Variants in BCOR observed in about 807,000 individuals in gnomAD.
The protein encoded by BCOR is BCL6 corepressor.
A neutral mutation model predicts 86.7 loss-of-function variants in BCOR; 10 were observed. That is an observed-to-expected ratio of 0.12 (90% CI 0.07 to 0.20). The LOEUF (loss-of-function observed/expected upper bound fraction) is 0.20, where lower values mean the gene tolerates loss of function less well. BCOR is among the 10% of genes least tolerant of loss of function. BCOR has a pLI of 1.00. For missense variants in BCOR, 1,259 were observed against 1,452.1 expected (o/e 0.87, Z 2.16); for synonymous variants, 611 against 609.0 (o/e 1.00, Z -0.05).
chrX:40,103,103 T>G (rs868340040), intron 1 of BCOR, among the ~76,000 whole-genome samples: 22 of 100,912 alleles, frequency 2.2e-4, no homozygotes, highest in African/African-American at 5.0e-4. Flanking sequence ...GGGGGTGGGG[T>G]GGGGGGGCTC....
intron 1 of BCOR, among the ~76,000 whole-genome samples, chrX:40,139,046 C>T (rs997463455): frequency 1.8e-5 from 2 of 109,040 alleles, no homozygotes; most frequent in Admixed American, 1.0e-4. Flanking sequence ...ATACTAACTA[C>T]GACATAGTCT....
chrX:40,076,438 G>T lies in BCOR; in HGVS notation c.165+16C>A. On this transcript the variant is annotated intron_variant, in intron 3 of 14. Coordinates refer to ENST00000378444, the MANE Select transcript of BCOR (RefSeq NM_001123385.2). ...ATATGCAGATATGGCATCAACAGAAGCTATTAATCTCTTACCACGTTGTGG... is the reference window on the plus strand; with the variant it reads ...ATATGCAGATATGGCATCAACAGAATCTATTAATCTCTTACCACGTTGTGG... 4 of 1,151,517 alleles carry T rather than the reference G, an allele frequency of 3.5e-6. No homozygotes were observed. The highest frequency in any genetic ancestry group is 4.8e-6 in the Non-Finnish European group (4 of 841,749). The allele number at this position is 1,151,517 out of a possible 1,213,427, so 94.9% of individuals were successfully genotyped here.
intron 6 of BCOR, among the ~76,000 whole-genome samples, chrX:40,067,317 C>A (rs1036425828): frequency 8.9e-6 from 1 of 111,943 alleles, no homozygotes; most frequent in African/African-American, 3.2e-5. Flanking sequence ...TGCCATCTGT[C>A]TTCTCTGGGG....
At chrX:40,098,184 G>T (rs986356966), upstream of BCOR, among the ~76,000 whole-genome samples, 1 of 109,432 alleles carries the variant, frequency 9.1e-6, no homozygotes, top group African/African-American at 3.3e-5. Context: ...ACCCTCCGCT[G>T]CGGCGCCTCC....
intron 1 of BCOR, among the ~76,000 whole-genome samples, chrX:40,085,943 C>A (rs1936338208): frequency 8.9e-6 from 1 of 111,931 alleles, no homozygotes; most frequent in Admixed American, 9.4e-5. Flanking sequence ...ACCAGGAACT[C>A]AAAGAAAGCC....
chrX:40,172,209 C>T (rs927463118), intron 1 of BCOR, among the ~76,000 whole-genome samples: 2 of 112,746 alleles, frequency 1.8e-5, no homozygotes, highest in African/African-American at 6.4e-5. Context: ...GAGGCTCAGC[C>T]ACCTTCGCGG....
In BCOR at chrX:40,139,488, TATATATATA is replaced by T. The variant is rs1345946074; in HGVS notation, c.-41+37510_-41+37518del. ...ATATATATATATATATATATATATA[TATATATATA>T]TTTTTTTTTTTTTTTAAGCATCAGC... On this transcript the variant is annotated intron_variant, in intron 1 of 14. Coordinates refer to the BCOR transcript ENST00000342274. Among the ~76,000 whole-genome samples the T allele has an allele frequency of 6.5e-3, 98 of 15,148 alleles. 9 individuals are homozygous for T. The highest frequency in any genetic ancestry group is 8.0e-3 in the Non-Finnish European group (82 of 10,262). The allele number at this position is 15,148 out of a possible 115,157, so 13.2% of individuals were successfully genotyped here. A position where few individuals can be genotyped will look rare whatever the true frequency, so the allele number is the denominator to read the frequency against.
chrX:40,063,463 AAG>A (rs1935010265), intron 8 of BCOR, 143 bp downstream of exon 8: 2 of 525,919 alleles, frequency 3.8e-6, no homozygotes, highest in East Asian at 6.6e-5. Flanking sequence ...CAAGGACATC[AAG>A]AGAGAACTCC....
intron 3 of BCOR, among the ~76,000 whole-genome samples, chrX:40,075,782 A>G (rs1465093100): frequency 4.5e-5 from 5 of 111,712 alleles, no homozygotes; most frequent in African/African-American, 1.6e-4. Flanking sequence ...ATTAAAAAAT[A>G]AAAATAAAAA....
intron 1 of BCOR, among the ~76,000 whole-genome samples, chrX:40,090,358 C>T (rs1191531302): frequency 1.8e-5 from 2 of 113,447 alleles, no homozygotes; most frequent in East Asian, 5.6e-4. Context: ...GCAGGCCAGC[C>T]CTCTGCAAGT....
rs370499722 is a variant in BCOR, at chrX:40,173,040, C to A, written c.-41+3967G>T. On this transcript the variant is annotated intron_variant, in intron 1 of 14. Coordinates refer to the BCOR transcript ENST00000342274. Reference sequence around the variant, plus strand: ...CCTCTGTACGACTCTCCAGAACTTTCTTTTGCAAAATAAAGGCCAAATGTT... The same window carrying A: ...CCTCTGTACGACTCTCCAGAACTTTATTTTGCAAAATAAAGGCCAAATGTT... Among the ~76,000 whole-genome samples the A allele has an allele frequency of 5.3e-5, 6 of 112,712 alleles. No individual in the cohort carries two copies. The East Asian group carries it at 1.4e-3, about 26-fold the overall frequency.
At chrX:40,108,589 G>A (rs1332350790) in intron 1 of BCOR, among the ~76,000 whole-genome samples, 1 of 113,422 alleles carries the variant, frequency 8.8e-6, no homozygotes. Flanking sequence ...GCCTCCGCCC[G>A]CCGGGCCTTT....
At position 40,074,605 on chromosome X, in the gene BCOR, C is replaced by T; in HGVS notation, c.741G>A (p.Leu247=). Residue 247 remains leucine (L), a synonymous_variant, in exon 4 of 15, where the codon CTG becomes CTA. Transcript: ENST00000378444. The part of the protein sequence containing the change: ...VCTNGERFLY[L]PPPHYVGPHI... ...GGGGACCGACGTAGTGAGGTGGCGG[C>T]AGGTAGAGAAAGCGCTCCCCATTGG... The T allele has an allele frequency of 8.3e-7, 1 of 1,212,042 alleles. No individual in the cohort carries two copies. The highest frequency in any genetic ancestry group is 1.1e-6 in the Non-Finnish European group (1 of 895,516).
At position 40,058,400 on chromosome X, in the gene BCOR, T is replaced by C. The variant is rs186919310; in HGVS notation, c.4429-1079A>G. Among the ~76,000 whole-genome samples the C allele has an allele frequency of 9.3e-4, 104 of 111,723 alleles. 1 individual carries two copies. The highest frequency in any genetic ancestry group is 1.7e-3 in the Non-Finnish European group (90 of 53,088). ...GAAGACTGGGGGGAAAGCCAGAACA[T>C]GTGGGGTAGCCCAACACATGTTCCA... On this transcript the variant is annotated intron_variant, in intron 10 of 14. Transcript: ENST00000378444.
intron 1 of BCOR, among the ~76,000 whole-genome samples, chrX:40,110,644 CT>C (rs1569182561): frequency 2.3e-5 from 1 of 43,234 alleles, no homozygotes; most frequent in African/African-American, 6.4e-5. Flanking sequence ...CTTTTCTTTT[CT>C]TTTTTTTCTT....
intron 1 of BCOR, among the ~76,000 whole-genome samples, chrX:40,117,960 TTC>T (rs747544385): frequency 1.2e-3 from 111 of 93,810 alleles, no homozygotes; most frequent in East Asian, 2.2e-3. Context: ...CTCGCACTCT[TTC>T]TCTCTCTCTC....
intron 1 of BCOR, among the ~76,000 whole-genome samples, chrX:40,103,531 C>G (rs1216030353): frequency 1.8e-5 from 2 of 110,546 alleles, no homozygotes; most frequent in Non-Finnish European, 3.8e-5. Flanking sequence ...GACCCAAGGC[C>G]AAGCCCAGAT....
intron 1 of BCOR, among the ~76,000 whole-genome samples, chrX:40,106,274 C>G (rs1164281599): frequency 9.0e-6 from 1 of 110,773 alleles, no homozygotes; most frequent in Non-Finnish European, 1.9e-5. Context: ...GGGAGCCGAG[C>G]GAGTGCACAG....
At chrX:40,175,254 TG>T (rs1215011233) in intron 1 of BCOR, among the ~76,000 whole-genome samples, 1 of 113,216 alleles carries the variant, frequency 8.8e-6, no homozygotes, top group Non-Finnish European at 1.9e-5. Flanking sequence ...AAGGGGCAGA[TG>T]GAAACCAGGC....
Sources: gnomAD v4.1 joint callset for allele counts (sites outside exome capture counted in the v4.1 genomes callset) on GRCh38, gnomAD v4.1.1 for gene constraint, MANE v1.5 for transcripts, NCBI Gene and HGNC (gene_info 2026-07-23, HGNC 2026-07-21) for gene names.